The following CACNA2D1 variants were observed in gnomAD, a reference collection of about 807,000 sequenced individuals.
CACNA2D1 encodes the protein voltage-dependent calcium channel subunit alpha-2/delta-1.
Under a neutral mutation model 171.5 loss-of-function variants are expected in CACNA2D1, and 53 were observed. The observed-to-expected ratio is 0.31, with a 90% CI of 0.25 to 0.39. The LOEUF (loss-of-function observed/expected upper bound fraction) is 0.39, where lower values mean the gene tolerates loss of function less well. Ranked by LOEUF, CACNA2D1 falls within the 10% of genes least tolerant of loss-of-function variation. The probability of loss-of-function intolerance (pLI) is 1.00; values close to 1 mark genes in which losing one functional copy is unlikely to be tolerated. For synonymous variants in CACNA2D1, 442 were observed against 443.1 expected, an observed-to-expected ratio of 1.00 and a Z score of 0.03; for missense variants, 903 against 1,299.8, an observed-to-expected ratio of 0.69 and a Z score of 4.69.
At chr7:82,425,387 C>T (rs1382816788) in intron 1 of CACNA2D1, among the ~76,000 whole-genome samples, 1 of 152,070 alleles carries the variant, frequency 6.6e-6, no homozygotes, top group Non-Finnish European at 1.5e-5. Context: ...CAAGGGGCCA[C>T]CACGACTCCT....
chr7:82,315,936 A>G, intron 3 of CACNA2D1, among the ~76,000 whole-genome samples: 1 of 152,066 alleles, frequency 6.6e-6, no homozygotes, highest in East Asian at 1.9e-4. Context: ...AGAAATTAAA[A>G]TTAATTCCTT....
At chr7:82,338,591 T>C (rs1312842667) in intron 2 of CACNA2D1, among the ~76,000 whole-genome samples, 2 of 152,196 alleles carry the variant, frequency 1.3e-5, no homozygotes, top group African/African-American at 4.8e-5. Context: ...AAATCTATAA[T>C]ATACATTTAA....
At chr7:82,066,431 T>C (rs1055188949) in intron 8 of CACNA2D1, 24 bp downstream of exon 8, 1 of 1,610,880 alleles carries the variant, frequency 6.2e-7, no homozygotes, top group African/African-American at 1.3e-5. Flanking sequence ...TTTTATCTTT[T>C]CATGGCTAGC....
At chr7:82,367,364 A>G (rs754283887) in intron 1 of CACNA2D1, among the ~76,000 whole-genome samples, 15 of 151,736 alleles carry the variant, frequency 9.9e-5, no homozygotes, top group African/African-American at 1.5e-4. Context: ...TCTTTTTTCT[A>G]CCTACCATGC....
chr7:82,159,989 A>G lies in CACNA2D1; in HGVS notation c.354+10561T>C, dbSNP rs1001722393. Among the ~76,000 whole-genome samples the G allele has an allele frequency of 5.3e-5, 8 of 151,322 alleles. No homozygotes were observed. The East Asian group carries it at 1.6e-3, about 30-fold the overall frequency. On this transcript the variant is annotated intron_variant, in intron 4 of 38. Coordinates refer to ENST00000356860, the MANE Select transcript of CACNA2D1 (RefSeq NM_000722.4). ...AAATAAAATTAAAACTTTAATATAA[A>G]GACACCAAACAATCAAAAATAAGAT... is the stretch of plus-strand genomic sequence containing the variant.
chr7:82,228,130 G>C (rs12707483), intron 3 of CACNA2D1, among the ~76,000 whole-genome samples: 36,787 of 152,002 alleles, frequency 0.24, 5,539 homozygotes, highest in East Asian at 0.48. Flanking sequence ...TAAAAAAGGA[G>C]ATTATCTCAG....
chr7:82,050,390 CTTTG>C (rs995565349), intron 10 of CACNA2D1: 18 of 567,342 alleles, frequency 3.2e-5, no homozygotes, highest in African/African-American at 2.8e-4. Context: ...AGAGTAACAT[CTTTG>C]TTTGCACAAG....
chr7:82,113,111 C>A (rs1192144094), intron 6 of CACNA2D1, among the ~76,000 whole-genome samples: 1 of 151,982 alleles, frequency 6.6e-6, no homozygotes, highest in Non-Finnish European at 1.5e-5. Flanking sequence ...AGTATAAGGA[C>A]AAAAGTATCT....
intron 26 of CACNA2D1, chr7:81,971,231 G>A (rs37070): frequency 0.74 from 131,964 of 177,850 alleles, 49,141 homozygotes; most frequent in African/African-American, 0.78. Context: ...GCCAATATGA[G>A]TTGTATGGAG....
intron 21 of CACNA2D1, among the ~76,000 whole-genome samples, chr7:81,986,426 T>A (rs1238966335): frequency 6.6e-6 from 1 of 152,076 alleles, no homozygotes; most frequent in Non-Finnish European, 1.5e-5. Context: ...TCTGAATCAC[T>A]TAAGCCTCAC....
chr7:82,007,217 C>T (rs188400537), intron 16 of CACNA2D1, among the ~76,000 whole-genome samples: 1 of 151,936 alleles, frequency 6.6e-6, no homozygotes, highest in Non-Finnish European at 1.5e-5. Context: ...TAATTTAAAT[C>T]AGATCCTTAA....
intron 38 of CACNA2D1, among the ~76,000 whole-genome samples, chr7:81,955,099 G>A (rs953040666): frequency 3.3e-5 from 5 of 151,918 alleles, no homozygotes; most frequent in African/African-American, 1.2e-4. Context: ...TTAGCTTTTT[G>A]AGTCTTCATA....
chr7:82,433,981 G>A (rs1176590197), intron 1 of CACNA2D1, among the ~76,000 whole-genome samples: 1 of 152,160 alleles, frequency 6.6e-6, no homozygotes, highest in Non-Finnish European at 1.5e-5. Context: ...TTCTTTGGGA[G>A]GTTATCTTTA....
intron 1 of CACNA2D1, among the ~76,000 whole-genome samples, chr7:82,418,229 A>T (rs1713617446): frequency 6.6e-6 from 1 of 152,196 alleles, no homozygotes; most frequent in African/African-American, 2.4e-5. Context: ...ACTGAGTATC[A>T]TTAGAATAGG....
chr7:81,951,384 A>AGGT (rs1417638061), intron 38 of CACNA2D1, among the ~76,000 whole-genome samples: 1 of 152,038 alleles, frequency 6.6e-6, no homozygotes, highest in Non-Finnish European at 1.5e-5. Flanking sequence ...TTTGGGGAAC[A>AGGT]GGTGGTTTTG....
rs145237305 is a variant in CACNA2D1 at position 82,170,998 on chromosome 7, C to T, written c.295-389G>A. 1.8e-4 allele frequency among the ~76,000 whole-genome samples: 27 copies of T among 152,026 alleles called. No homozygotes were observed. The East Asian group carries it at 5.1e-3, about 29-fold the overall frequency. On this transcript the variant is annotated intron_variant, in intron 3 of 38. Transcript: ENST00000356860. ...AGCATACATTTCTCTTAAAAAATGACATTGAGAGATTAATATGCACTAAAC... is the reference window on the plus strand; with the variant it reads ...AGCATACATTTCTCTTAAAAAATGATATTGAGAGATTAATATGCACTAAAC...
chr7:82,030,739 C>T (rs1344392916), intron 12 of CACNA2D1, among the ~76,000 whole-genome samples: 1 of 151,742 alleles, frequency 6.6e-6, no homozygotes, highest in East Asian at 1.9e-4. Context: ...ACTTCTATCA[C>T]AAAATAGTAT....
intron 3 of CACNA2D1, among the ~76,000 whole-genome samples, chr7:82,190,837 T>C (rs1363842868): frequency 1.3e-5 from 2 of 151,616 alleles, no homozygotes; most frequent in Admixed American, 1.3e-4. Flanking sequence ...CTAGATTACT[T>C]AAAGAAAATT....
intron 3 of CACNA2D1, among the ~76,000 whole-genome samples, chr7:82,302,292 G>T (rs117439501): frequency 6.6e-6 from 1 of 152,164 alleles, no homozygotes; most frequent in Non-Finnish European, 1.5e-5. Flanking sequence ...CCCTAATGTA[G>T]GCAAAGTGTG....
Sources: allele counts gnomAD v4.1 joint callset (sites outside exome capture counted in the v4.1 genomes callset), GRCh38; gene constraint gnomAD v4.1.1; transcripts MANE v1.5; gene names NCBI Gene and HGNC (gene_info 2026-07-23, HGNC 2026-07-21).